Variants in ZIM2 observed in about 807,000 individuals in gnomAD.
ZIM2 encodes zinc finger protein 656.
ZIM2 carries 14 observed loss-of-function variants against 38.6 expected under a neutral mutation model. That is an observed-to-expected ratio of 0.36 (90% confidence interval 0.24 to 0.57). The LOEUF is 0.57. ZIM2 is among the 20% of genes least tolerant of loss of function. The pLI is 0.81. For missense variants in ZIM2, 680 were observed against 695.1 expected (o/e 0.98, Z 0.24); for synonymous variants, 247 against 245.8 (o/e 1.00, Z -0.04).
intron 9 of ZIM2, among the ~76,000 whole-genome samples, chr19:56,795,458 G>T (rs1434085604): frequency 1.3e-5 from 2 of 152,208 alleles, no homozygotes; most frequent in Non-Finnish European, 2.9e-5. Context: ...CGGGCCCAGC[G>T]AACTTACCTC....
At position 56,816,913 on chromosome 19, in the gene ZIM2, C is replaced by T. The variant is rs753853974; in HGVS notation, c.490+833G>A. 21 of 1,614,090 alleles carry T rather than the reference C, an allele frequency of 1.3e-5. No homozygotes were observed. Among genetic ancestry groups the T allele is most frequent in the Non-Finnish European group, 1.7e-5 (20 of 1,180,018 alleles). On this transcript the variant is annotated intron_variant, in intron 9 of 12. Transcript: ENST00000629319. ...GGCACTCTTATTGAAGGTCTCTCCACAGTCCTTACATTCAAAACGTTTCCC... is the reference window on the plus strand; with the variant it reads ...GGCACTCTTATTGAAGGTCTCTCCATAGTCCTTACATTCAAAACGTTTCCC...
chr19:56,804,896 C>G (rs1377416001), intron 9 of ZIM2, among the ~76,000 whole-genome samples: 1 of 152,148 alleles, frequency 6.6e-6, no homozygotes, highest in Non-Finnish European at 1.5e-5. Context: ...GGAAATAACC[C>G]AAGATTGACA....
rs1326612638 is a variant in ZIM2 at position 56,814,757 on chromosome 19, A to G, written c.490+2989T>C. On this transcript the variant is annotated intron_variant, in intron 9 of 12. Transcript: ENST00000629319. The surrounding 1 kb of genome is among the most constrained non-coding windows in gnomAD (Gnocchi z 5.8). Reference sequence around the variant, plus strand: ...CTATGAATGAAGCCTTGTCCACACAAAAGGCATCGAATGGCCGACCCAGCA... The same window carrying G: ...CTATGAATGAAGCCTTGTCCACACAGAAGGCATCGAATGGCCGACCCAGCA... 6.2e-7 allele frequency: 1 copy of G among 1,614,176 alleles called. No homozygotes were observed. Among genetic ancestry groups the G allele is most frequent in the East Asian group, 2.2e-5 (1 of 44,862 alleles).
At chr19:56,813,747 T>G in intron 9 of ZIM2, 1 of 1,614,126 alleles carries the variant, frequency 6.2e-7, no homozygotes, top group Non-Finnish European at 8.5e-7. Context: ...AGACGTCACA[T>G]TTGAAGTACT....
At chr19:56,837,532 G>A (rs2062299116) in intron 1 of ZIM2, among the ~76,000 whole-genome samples, 1 of 152,222 alleles carries the variant, frequency 6.6e-6, no homozygotes, top group Non-Finnish European at 1.5e-5. Context: ...AGGCTGCACA[G>A]CTGAACCCGC....
chr19:56,818,738 GT>G (rs1363758768), intron 7 of ZIM2, 36 bp from the exon 8 acceptor site: 2 of 1,605,314 alleles, frequency 1.2e-6, no homozygotes. Flanking sequence ...AATGGAGTCT[GT>G]CCCCACCGAT....
intron 9 of ZIM2, among the ~76,000 whole-genome samples, chr19:56,805,007 A>C (rs1277741205): frequency 6.6e-6 from 1 of 152,234 alleles, no homozygotes; most frequent in Non-Finnish European, 1.5e-5. Context: ...GAGGCATCAG[A>C]GTAGACTGGA....
At chr19:56,813,902 A>T (rs2059723578) in intron 9 of ZIM2, 1 of 1,614,190 alleles carries the variant, frequency 6.2e-7, no homozygotes. Context: ...CTGGAAGTGA[A>T]GGTTTCTGTG....
chr19:56,811,139 A>T lies in ZIM2; in HGVS notation c.490+6607T>A, dbSNP rs200173182. On this transcript the variant is annotated intron_variant, in intron 9 of 12. Coordinates refer to ENST00000629319, the MANE Select transcript of ZIM2 (RefSeq NM_001387356.1). ...CTTTTCTGTATTTTCCAAGTGTGTG[A>T]TAATGAGTTCAAATTATGTTCACAA... 2.1e-5 allele frequency: 21 copies of T among 982,284 alleles called. No individual in the cohort carries two copies. In the East Asian group the frequency reaches 2.4e-3, roughly 111 times the overall value. The allele number at this position is 982,284 out of a possible 1,614,324, so 60.8% of individuals were successfully genotyped here.
At chr19:56,776,059 C>T (rs1268891490) in intron 12 of ZIM2, among the ~76,000 whole-genome samples, 1 of 146,262 alleles carries the variant, frequency 6.8e-6, no homozygotes, top group East Asian at 2.0e-4. Context: ...AGAGATCGCA[C>T]CACTGCACTG....
At chr19:56,809,462 T>C (rs2047950652) in intron 9 of ZIM2, among the ~76,000 whole-genome samples, 1 of 152,208 alleles carries the variant, frequency 6.6e-6, no homozygotes, top group African/African-American at 2.4e-5. Context: ...CTATCCACTG[T>C]GGTCGCCAAC....
chr19:56,838,662 A>T (rs1428264885), intron 1 of ZIM2, among the ~76,000 whole-genome samples: 2 of 152,178 alleles, frequency 1.3e-5, no homozygotes, highest in African/African-American at 4.8e-5. Flanking sequence ...CCCTGTCCTT[A>T]AGCATAAATG....
intron 10 of ZIM2, 121 bp downstream of exon 10, chr19:56,789,751 T>C (rs2046825323): frequency 9.3e-6 from 8 of 863,530 alleles, no homozygotes; most frequent in Non-Finnish European, 1.1e-5. Flanking sequence ...CTCAGTAAAG[T>C]GATATTTATA....
chr19:56,815,498 A>G, intron 9 of ZIM2: 1 of 1,614,110 alleles, frequency 6.2e-7, no homozygotes, highest in Non-Finnish European at 8.5e-7. Context: ...GTGAGGTCAG[A>G]GCTATGAGCA....
rs143039317 is a variant in ZIM2 at position 56,775,447 on chromosome 19, C to A, written c.918G>T (p.Lys306Asn). The A allele has an allele frequency of 1.4e-5, 22 of 1,613,930 alleles. No homozygotes were observed. The highest frequency in any genetic ancestry group is 1.7e-5 in the Non-Finnish European group (20 of 1,180,016). The change falls in exon 13 of 13, where the codon AAG (lysine) becomes AAT (asparagine). Residue 306 changes from lysine to asparagine, a missense_variant. Lys to Asn is a moderately conservative substitution (Grantham distance 94). Coordinates refer to ENST00000629319, the MANE Select transcript of ZIM2 (RefSeq NM_001387356.1). ...CATAGCTTCTTTCCGGAGTGAGGGT[C>A]TTGGGGTCATTCATTGTTATAGGAG... ...LLTPITMNDPKTLTPERSYGS... is the reference protein window; with the variant it reads ...LLTPITMNDPNTLTPERSYGS...
chr19:56,794,577 T>C (rs2047099275), intron 9 of ZIM2, among the ~76,000 whole-genome samples: 1 of 152,228 alleles, frequency 6.6e-6, no homozygotes, highest in Non-Finnish European at 1.5e-5. Context: ...TTTTTAAAAG[T>C]TCTTGACACA....
chr19:56,776,100 CAAAAAAA>C (rs56776253), intron 12 of ZIM2, among the ~76,000 whole-genome samples: 2 of 106,714 alleles, frequency 1.9e-5, no homozygotes, highest in Admixed American at 9.8e-5. Context: ...GACTCTGTCT[CAAAAAAA>C]AAAAAAAAAA....
At chr19:56,784,679 G>A (rs1348792425) in intron 10 of ZIM2, among the ~76,000 whole-genome samples, 1 of 152,102 alleles carries the variant, frequency 6.6e-6, no homozygotes, top group African/African-American at 2.4e-5. Flanking sequence ...AAGGAGTTTT[G>A]AGTTCTGCTA....
At chr19:56,836,409 C>T (rs2062106306) in intron 1 of ZIM2, among the ~76,000 whole-genome samples, 3 of 152,176 alleles carry the variant, frequency 2.0e-5, no homozygotes, top group Admixed American at 2.0e-4. Flanking sequence ...TCAAGAACCC[C>T]ATTTTTGGCG....
Sources: gnomAD v4.1 joint callset for allele counts (sites outside exome capture counted in the v4.1 genomes callset) on GRCh38, gnomAD v4.1.1 for gene constraint, Gnocchi (gnomAD v3.1) non-coding constraint, MANE v1.5 for transcripts, NCBI Gene and HGNC (gene_info 2026-07-23, HGNC 2026-07-21) for gene names.